NBPF9: variants seen among roughly 807,000 people sequenced by gnomAD.
NBPF9 encodes the protein NBPF family member NBPF9.
A neutral mutation model predicts 97.8 loss-of-function variants in NBPF9; 91 were observed. The observed-to-expected ratio is 0.93, with a 90% CI of 0.79 to 1.11. NBPF9 has a LOEUF of 1.11. Ranked by LOEUF, NBPF9 falls within the 50% of genes least tolerant of loss-of-function variation. The probability of loss-of-function intolerance (pLI) is 0.00; values close to 1 mark genes in which losing one functional copy is unlikely to be tolerated. For synonymous variants in NBPF9, 334 were observed against 359.5 expected, an observed-to-expected ratio of 0.93 and a Z score of 0.80; for missense variants, 992 against 939.5, an observed-to-expected ratio of 1.06 and a Z score of -0.73.
chr1:149,080,576 G>C (rs1553656418), intron 7 of NBPF9, among the ~76,000 whole-genome samples: 1 of 150,432 alleles, frequency 6.6e-6, no homozygotes, highest in Non-Finnish European at 1.5e-5. Context: ...CCTTTTACTG[G>C]GTATTTCAAG....
At chr1:149,102,786 C>G (rs1331309844) in exon 2 of NBPF9, 3 of 152,126 alleles carry the variant, frequency 2.0e-5, no homozygotes, top group Non-Finnish European at 2.9e-5. Flanking sequence ...GATTCAGTGA[C>G]GGCTACAAAC....
chr1:149,071,482 T>A, intron 15 of NBPF9, 122 bp downstream of exon 15: 1 of 1,226,056 alleles, frequency 8.2e-7, no homozygotes, highest in Non-Finnish European at 1.2e-6. Context: ...GGGTTCAATT[T>A]CACATACTGT....
chr1:149,094,336 T>C (rs9442092), intron 4 of NBPF9, among the ~76,000 whole-genome samples: 68 of 120,204 alleles, frequency 5.7e-4, no homozygotes, highest in East Asian at 2.5e-3. Flanking sequence ...CTATTATGTT[T>C]CCCCAAAAAC....
intron 3 of NBPF9, among the ~76,000 whole-genome samples, chr1:149,100,565 C>T (rs1309683463): frequency 6.6e-6 from 1 of 151,332 alleles, no homozygotes; most frequent in Non-Finnish European, 1.5e-5. Context: ...AAAAAAAGTG[C>T]CAAACAGTGC....
rs374585655 is a variant in NBPF9 at position 149,056,195 on chromosome 1, C to T, written c.3093-296G>A. 1.3e-3 allele frequency among the ~76,000 whole-genome samples: 197 copies of T among 150,356 alleles called. 2 individuals carry two copies. The East Asian group carries it at 0.027, about 21-fold the overall frequency. On this transcript the variant is annotated intron_variant, in intron 29 of 29. Transcript: ENST00000584027. Reference sequence around the variant, plus strand: ...AGTAAAAGGACACTCTGAGTTAGTGCCCTCATGACACACAGCAAACTGTGA... The same window carrying T: ...AGTAAAAGGACACTCTGAGTTAGTGTCCTCATGACACACAGCAAACTGTGA...
chr1:149,089,273 C>A (rs2081250603), intron 5 of NBPF9, among the ~76,000 whole-genome samples: 1 of 152,062 alleles, frequency 6.6e-6, no homozygotes, highest in African/African-American at 2.4e-5. Context: ...GCCTCTGGGT[C>A]TTCCTTGATG....
exon 1 of NBPF9, chr1:149,103,520 A>T (rs2082290840): frequency 6.6e-6 from 1 of 152,404 alleles, no homozygotes; most frequent in Non-Finnish European, 1.5e-5. Context: ...GCCTGCGGCC[A>T]GCTGGATCCT....
intron 4 of NBPF9, among the ~76,000 whole-genome samples, chr1:149,093,044 C>T (rs2081508844): frequency 6.6e-6 from 1 of 151,658 alleles, no homozygotes; most frequent in East Asian, 2.0e-4. Context: ...CTCTGAGTTC[C>T]CTTAGTATTT....
chr1:149,099,623 A>C (rs1553662780), intron 3 of NBPF9, among the ~76,000 whole-genome samples: 1 of 152,246 alleles, frequency 6.6e-6, no homozygotes. Context: ...AATGAATACT[A>C]TATTCATAAA....
chr1:149,073,980 A>G (rs2079636017), intron 12 of NBPF9, 110 bp from the exon 13 acceptor site: 1 of 622,688 alleles, frequency 1.6e-6, no homozygotes, highest in Admixed American at 2.7e-5. Context: ...TCTCCCCAGT[A>G]CCAGGGTCTA....
intron 5 of NBPF9, among the ~76,000 whole-genome samples, chr1:149,086,169 T>C (rs655439): frequency 0.034 from 5,062 of 149,388 alleles, 161 homozygotes; most frequent in African/African-American, 0.12. Context: ...TGGGCTATTA[T>C]GAAGAAACTA....
rs1354045241 is a variant in NBPF9, at chr1:149,063,625, G to T, written c.2026+8C>A. On this transcript the variant is annotated splice_region_variant and intron_variant, in intron 20 of 29. Transcript: ENST00000584027. ...GGATCCTTATCACCTTCATAGAAAG[G>T]TACTCACCATCCATGTCAACAGCCA... 6.6e-6 allele frequency: 4 copies of T among 607,850 alleles called. No homozygotes were observed. The highest frequency in any genetic ancestry group is 5.9e-5 in the Admixed American group (2 of 33,716). 37.7% of individuals were successfully genotyped at this position (607,850 alleles called of 1,614,324 possible). A position where few individuals can be genotyped will look rare whatever the true frequency, so the allele number is the denominator to read the frequency against.
chr1:149,064,734 T>G, intron 18 of NBPF9: 1 of 619,036 alleles, frequency 1.6e-6, no homozygotes, highest in African/African-American at 1.9e-5. Context: ...TAGGTTTATG[T>G]ACACAAATGC....
chr1:149,074,426 G>A (rs1374995117), intron 12 of NBPF9, among the ~76,000 whole-genome samples: 4 of 151,514 alleles, frequency 2.6e-5, no homozygotes, highest in African/African-American at 9.7e-5. Context: ...AAGGAAATAT[G>A]CCCAAATGCT....
exon 16 of NBPF9, chr1:149,071,100 G>A (rs2079372278): frequency 4.4e-6 from 7 of 1,607,958 alleles, no homozygotes; most frequent in Non-Finnish European, 5.9e-6. Flanking sequence ...CCTCCAGTGA[G>A]TCCTCAGGGA....
chr1:149,075,668 C>T lies in NBPF9; in HGVS notation c.975G>A (p.Gln325=), dbSNP rs587681687. The stretch of plus-strand genomic sequence containing the variant: ...TATAGATCTTACTGTATTTGTTCTG[C>T]TGGTTGGCCAGGAAGCCGGCCAGTT... Residue 325 remains glutamine (Q), a synonymous_variant, in exon 12 of 30, where the codon CAG becomes CAA. Transcript: ENST00000584027. The T allele has an allele frequency of 7.8e-5, 125 of 1,609,770 alleles. No homozygotes were observed. The African/African-American group carries it at 9.2e-4, about 12-fold the overall frequency.
chr1:149,064,477 G>A (rs587743130), exon 19 of NBPF9: 34 of 1,478,934 alleles, frequency 2.3e-5, no homozygotes, highest in African/African-American at 7.4e-5. Flanking sequence ...TGATCCCACC[G>A]ATGTCCTGCA....
chr1:149,070,942 A>C, exon 16 of NBPF9: 1 of 1,612,556 alleles, frequency 6.2e-7, no homozygotes, highest in Non-Finnish European at 8.5e-7. Context: ...ACCTGGAATA[A>C]TGTGTACAGC....
At chr1:149,086,323 T>A (rs1385211975) in intron 5 of NBPF9, among the ~76,000 whole-genome samples, 16 of 149,306 alleles carry the variant, frequency 1.1e-4, no homozygotes, top group Non-Finnish European at 1.9e-4. Flanking sequence ...AAGGCTGGAA[T>A]GTAACAAAAG....
Sources: allele counts gnomAD v4.1 joint callset (sites outside exome capture counted in the v4.1 genomes callset), GRCh38; gene constraint gnomAD v4.1.1; transcripts MANE v1.5; gene names NCBI Gene and HGNC (gene_info 2026-07-23, HGNC 2026-07-21).